The following THRB variants were observed in gnomAD, a reference collection of about 807,000 sequenced individuals.
THRB encodes the protein nuclear receptor subfamily 1 group A member 2.
A neutral mutation model predicts 47.8 loss-of-function variants in THRB; 12 were observed. The ratio of observed to expected loss-of-function variants is 0.25; its 90% CI spans 0.16 to 0.41. The LOEUF is 0.41. THRB is among the 10% of genes least tolerant of loss of function. The pLI, the probability that THRB is intolerant of heterozygous loss-of-function variation, is 1.00. For synonymous variants in THRB, 218 were observed against 212.2 expected (o/e 1.03, Z -0.24); for missense variants, 348 against 589.2 (o/e 0.59, Z 4.24).
At chr3:24,452,153 T>C (rs530801632) in intron 1 of THRB, among the ~76,000 whole-genome samples, 2 of 152,320 alleles carry the variant, frequency 1.3e-5, no homozygotes, top group East Asian at 3.9e-4. Flanking sequence ...AAATGACAGA[T>C]CTTGAGGTGA....
intron 9 of THRB, among the ~76,000 whole-genome samples, chr3:24,128,235 T>G (rs826378): frequency 0.7 from 107,028 of 152,110 alleles, 38,550 homozygotes; most frequent in African/African-American, 0.88. Flanking sequence ...TTTGCTCTTG[T>G]AGCCTCTTGG....
intron 3 of THRB, among the ~76,000 whole-genome samples, chr3:24,289,328 T>C (rs2055677978): frequency 6.6e-6 from 1 of 152,208 alleles, no homozygotes; most frequent in African/African-American, 2.4e-5. Flanking sequence ...AAACACAAGT[T>C]CAAATGTGCT....
chr3:24,230,200 C>G (rs2048112392), intron 3 of THRB, among the ~76,000 whole-genome samples: 1 of 152,214 alleles, frequency 6.6e-6, no homozygotes, highest in Admixed American at 6.5e-5. Context: ...AATGCTGCAG[C>G]AATGACTTCA....
intron 1 of THRB, among the ~76,000 whole-genome samples, chr3:24,456,333 TAAA>T (rs760844296): frequency 1.5e-5 from 2 of 130,498 alleles, no homozygotes; most frequent in East Asian, 2.2e-4. Flanking sequence ...AGACCCTGTC[TAAA>T]AAAAAAAAAA....
Position 24,436,407 on chromosome 3 carries a change from C to T in THRB, c.-261+58245G>A, listed in dbSNP as rs191217564. ...AGTAAACAAGACACGCCTCGATGCA[C>T]GACTTGATCATGAAAGACGGAGTCA... On this transcript the variant is annotated intron_variant, in intron 1 of 10. Coordinates refer to ENST00000646209, the MANE Select transcript of THRB (RefSeq NM_001354712.2). 1.3e-4 allele frequency among the ~76,000 whole-genome samples: 20 copies of T among 152,144 alleles called. 1 individual carries two copies. In the South Asian group the frequency reaches 3.7e-3, roughly 28 times the overall value.
intron 1 of THRB, among the ~76,000 whole-genome samples, chr3:24,487,378 T>A (rs6550875): frequency 0.048 from 7,271 of 151,836 alleles, 402 homozygotes; most frequent in African/African-American, 0.14. Flanking sequence ...ACAAATAAAA[T>A]GGTGATCAAA....
At chr3:24,242,984 AAGT>A (rs1271168023) in intron 3 of THRB, among the ~76,000 whole-genome samples, 2 of 150,876 alleles carry the variant, frequency 1.3e-5, no homozygotes, top group Non-Finnish European at 2.9e-5. Context: ...CCTAGCTGCA[AAGT>A]CAAATCAGGG....
chr3:24,231,924 G>T (rs945512486), intron 3 of THRB, among the ~76,000 whole-genome samples: 2 of 152,190 alleles, frequency 1.3e-5, no homozygotes, highest in East Asian at 3.8e-4. Context: ...CAAAAACAGC[G>T]AAGGGCTTTG....
chr3:24,274,990 C>T (rs2053756659), intron 3 of THRB, among the ~76,000 whole-genome samples: 1 of 152,140 alleles, frequency 6.6e-6, no homozygotes, highest in East Asian at 1.9e-4. Context: ...TCTATTTTTC[C>T]TTATCTATCC....
At chr3:24,312,167 G>A (rs2057800603) in intron 2 of THRB, among the ~76,000 whole-genome samples, 2 of 152,218 alleles carry the variant, frequency 1.3e-5, no homozygotes, top group South Asian at 4.1e-4. Flanking sequence ...CCTTTGGGAA[G>A]TTTTCCTGAC....
At chr3:24,238,270 TGTGTGTGTGGGGGGGGGGGGG>T (rs1382031768) in intron 3 of THRB, among the ~76,000 whole-genome samples, 1 of 10,532 alleles carries the variant, frequency 9.5e-5, no homozygotes, top group African/African-American at 3.3e-4. Context: ...TGTATGTGTG[TGTGTGTGTGGGGGGGGGGGGG>T]GTGTGTGGGG....
chr3:24,119,218 T>C lies in THRB; in HGVS notation c.*3666A>G, dbSNP rs538965194. 6.6e-6 allele frequency: 1 copy of C among 152,408 alleles called. No homozygotes were observed. The highest frequency in any genetic ancestry group is 2.4e-5 in the African/African-American group (1 of 41,476). The allele number at this position is 152,408 out of a possible 1,614,324, so 9.4% of individuals were successfully genotyped here. On this transcript the variant is annotated 3_prime_UTR_variant, in exon 11 of 11. Coordinates refer to ENST00000646209, the MANE Select transcript of THRB (RefSeq NM_001354712.2). ...CATATTATTAAAATAACAGGAAAAA[T>C]TACGAGCTTATTTTAGAACCTGATG... is the stretch of plus-strand genomic sequence containing the variant.
At chr3:24,197,264 G>A (rs2044060575) in intron 4 of THRB, among the ~76,000 whole-genome samples, 1 of 152,212 alleles carries the variant, frequency 6.6e-6, no homozygotes, top group Non-Finnish European at 1.5e-5. Flanking sequence ...CTACCAATAG[G>A]ATTGTTCTCC....
chr3:24,233,892 C>T (rs17014447), intron 3 of THRB, among the ~76,000 whole-genome samples: 10,764 of 152,220 alleles, frequency 0.071, 437 homozygotes, highest in Non-Finnish European at 0.087. Flanking sequence ...CCCTGCCTGA[C>T]GTCTAAGAAG....
At chr3:24,192,855 A>G (rs1008094323) in intron 4 of THRB, among the ~76,000 whole-genome samples, 3 of 152,246 alleles carry the variant, frequency 2.0e-5, no homozygotes, top group African/African-American at 7.2e-5. Context: ...CTGTAATTAC[A>G]TTCGTAATAA....
intron 4 of THRB, among the ~76,000 whole-genome samples, chr3:24,206,096 A>T (rs2045313847): frequency 1.3e-5 from 2 of 152,212 alleles, no homozygotes; most frequent in Non-Finnish European, 2.9e-5. Flanking sequence ...GATCAACGAG[A>T]CAGAAAGTTA....
chr3:24,390,658 C>T (rs2066488791), intron 1 of THRB, among the ~76,000 whole-genome samples: 1 of 151,862 alleles, frequency 6.6e-6, no homozygotes, highest in Non-Finnish European at 1.5e-5. Context: ...GCCTTGAATC[C>T]TCAGGTTCAA....
At chr3:24,462,471 A>G (rs2073791864) in intron 1 of THRB, among the ~76,000 whole-genome samples, 3 of 152,258 alleles carry the variant, frequency 2.0e-5, no homozygotes, top group Admixed American at 1.3e-4. Context: ...TTTCAGGAGT[A>G]ACGTATTGCC....
intron 4 of THRB, among the ~76,000 whole-genome samples, chr3:24,195,379 A>G (rs2043836925): frequency 6.6e-6 from 1 of 152,148 alleles, no homozygotes; most frequent in Non-Finnish European, 1.5e-5. Flanking sequence ...CCTTAGTTTG[A>G]TGAGTAGTAA....
Sources: gnomAD v4.1 joint callset for allele counts (sites outside exome capture counted in the v4.1 genomes callset) on GRCh38, gnomAD v4.1.1 for gene constraint, MANE v1.5 for transcripts, NCBI Gene and HGNC (gene_info 2026-07-23, HGNC 2026-07-21) for gene names.